ADARB2: variants seen among roughly 807,000 people sequenced by gnomAD.
ADARB2 encodes the protein adenosine deaminase RNA specific B2 (inactive).
A neutral mutation model predicts 62.2 loss-of-function variants in ADARB2; 25 were observed. The observed-to-expected ratio is 0.40, with a 90% CI of 0.29 to 0.56. The LOEUF is 0.56. ADARB2 is among the 20% of genes least tolerant of loss of function. The pLI, the probability that ADARB2 is intolerant of heterozygous loss-of-function variation, is 0.43. For synonymous variants in ADARB2, 572 were observed against 500.8 expected (o/e 1.14, Z -1.90); for missense variants, 1,071 against 1,077.4 (o/e 0.99, Z 0.08).
At chr10:1,429,705 G>A (rs1203152470) in intron 1 of ADARB2, among the ~76,000 whole-genome samples, 3 of 152,198 alleles carry the variant, frequency 2.0e-5, no homozygotes, top group Non-Finnish European at 4.4e-5. Context: ...TGCTGGGCTG[G>A]TCTGCACCAT....
intron 1 of ADARB2, among the ~76,000 whole-genome samples, chr10:1,541,018 T>C (rs865860230): frequency 7.9e-3 from 240 of 30,496 alleles, no homozygotes; most frequent in East Asian, 0.015. Context: ...ATCACAGCCG[T>C]CCAGACCCCA....
At chr10:1,207,786 C>T (rs1202887039) in intron 7 of ADARB2, among the ~76,000 whole-genome samples, 1 of 152,162 alleles carries the variant, frequency 6.6e-6, no homozygotes, top group Non-Finnish European at 1.5e-5. Context: ...AATTAGAAAC[C>T]ATATCTGAAG....
chr10:1,208,472 A>G (rs989435265), intron 7 of ADARB2, among the ~76,000 whole-genome samples: 1 of 152,218 alleles, frequency 6.6e-6, no homozygotes, highest in Admixed American at 6.5e-5. Flanking sequence ...CCCAGCACTC[A>G]GGTGCAGGCA....
At chr10:1,624,147 T>TCACTC (rs1246939187) in intron 1 of ADARB2, among the ~76,000 whole-genome samples, 1 of 152,052 alleles carries the variant, frequency 6.6e-6, no homozygotes, top group Non-Finnish European at 1.5e-5. Flanking sequence ...GGTGGGGGTA[T>TCACTC]CACCTGAGCC....
chr10:1,558,299 G>T (rs1832734632), intron 1 of ADARB2, among the ~76,000 whole-genome samples: 1 of 130,666 alleles, frequency 7.7e-6, no homozygotes, highest in Non-Finnish European at 1.6e-5. Context: ...CCCTCCGTGG[G>T]TGCTCAGCCC....
intron 6 of ADARB2, among the ~76,000 whole-genome samples, chr10:1,233,344 A>C (rs1428440244): frequency 6.6e-6 from 1 of 152,218 alleles, no homozygotes. Context: ...AAAGGCAAGC[A>C]GAGCCAGTGA....
At chr10:1,345,359 T>C (rs952565615) in intron 3 of ADARB2, among the ~76,000 whole-genome samples, 4 of 152,208 alleles carry the variant, frequency 2.6e-5, no homozygotes, top group Admixed American at 6.5e-5. Context: ...AGTCTGCATA[T>C]GTTGCTCCGG....
chr10:1,605,189 C>A (rs1833479545), intron 1 of ADARB2, among the ~76,000 whole-genome samples: 1 of 152,230 alleles, frequency 6.6e-6, no homozygotes, highest in Non-Finnish European at 1.5e-5. Context: ...CCTTCCTTCT[C>A]TTCTTCTGGC....
intron 2 of ADARB2, among the ~76,000 whole-genome samples, chr10:1,372,012 G>A (rs562446070): frequency 6.6e-6 from 1 of 152,138 alleles, no homozygotes; most frequent in Non-Finnish European, 1.5e-5. Flanking sequence ...GCCTGTACGT[G>A]TATGTTCACC....
At chr10:1,260,583 T>A (rs541724945) in intron 4 of ADARB2, among the ~76,000 whole-genome samples, 1 of 151,628 alleles carries the variant, frequency 6.6e-6, no homozygotes, top group Non-Finnish European at 1.5e-5. Flanking sequence ...TACCTAGGAA[T>A]CCAACTTATA....
intron 4 of ADARB2, among the ~76,000 whole-genome samples, chr10:1,260,019 C>G (rs1044616480): frequency 2.0e-5 from 3 of 152,080 alleles, no homozygotes; most frequent in African/African-American, 7.2e-5. Flanking sequence ...TAAATGTAAT[C>G]CAGCATATAA....
At chr10:1,219,920 G>A (rs1236446570) in intron 6 of ADARB2, among the ~76,000 whole-genome samples, 1 of 151,036 alleles carries the variant, frequency 6.6e-6, no homozygotes, top group African/African-American at 2.4e-5. Context: ...TGGTGGCGAT[G>A]ATGGTGATGG....
intron 6 of ADARB2, among the ~76,000 whole-genome samples, chr10:1,224,305 T>G (rs1270226842): frequency 2.0e-5 from 3 of 152,202 alleles, no homozygotes; most frequent in Non-Finnish European, 2.9e-5. Flanking sequence ...TCTCTTTGAT[T>G]CTTCTCTCTT....
Position 1,390,645 on chromosome 10 carries a change from TTC to T in ADARB2, c.101-11487_101-11486del, listed in dbSNP as rs576193393. 3.1e-3 allele frequency among the ~76,000 whole-genome samples: 478 copies of T among 152,376 alleles called. 2 individuals are homozygous for T. The highest frequency in any genetic ancestry group is 0.011 in the African/African-American group (457 of 41,590). On this transcript the variant is annotated intron_variant, in intron 1 of 9. Coordinates refer to ENST00000381312, the MANE Select transcript of ADARB2 (RefSeq NM_018702.4). ...ACTTATCGGACTTTGGGTTTCCGTT[TTC>T]TTTTTTATTCCCCCTATTTTATAGA...
chr10:1,228,270 C>A (rs191414715), intron 6 of ADARB2, among the ~76,000 whole-genome samples: 2 of 152,274 alleles, frequency 1.3e-5, no homozygotes, highest in Admixed American at 1.3e-4. Context: ...CAGAAAATGG[C>A]TGTAAGAACT....
intron 1 of ADARB2, among the ~76,000 whole-genome samples, chr10:1,629,431 C>G (rs571848034): frequency 6.6e-6 from 1 of 152,064 alleles, no homozygotes; most frequent in Admixed American, 6.5e-5. Context: ...CTCCTGCTCC[C>G]ATGGAGCTAA....
intron 4 of ADARB2, among the ~76,000 whole-genome samples, chr10:1,258,709 A>G (rs1831103853): frequency 6.6e-6 from 1 of 152,222 alleles, no homozygotes; most frequent in African/African-American, 2.4e-5. Flanking sequence ...GGGAGACTTT[A>G]ACACCCCACT....
intron 1 of ADARB2, among the ~76,000 whole-genome samples, chr10:1,573,383 T>G (rs1247614750): frequency 2.0e-5 from 3 of 152,152 alleles, no homozygotes; most frequent in African/African-American, 7.2e-5. Flanking sequence ...CTTCCCCCAT[T>G]TCTCCTCATG....
chr10:1,519,732 C>A (rs541171513), intron 1 of ADARB2, among the ~76,000 whole-genome samples: 43 of 152,280 alleles, frequency 2.8e-4, no homozygotes, highest in East Asian at 1.9e-3. Context: ...GCACAGTTAG[C>A]AAAACCAATG....
Sources: gnomAD v4.1 joint callset for allele counts (sites outside exome capture counted in the v4.1 genomes callset) on GRCh38, gnomAD v4.1.1 for gene constraint, MANE v1.5 for transcripts, NCBI Gene and HGNC (gene_info 2026-07-23, HGNC 2026-07-21) for gene names.